Variants in LINC00237 observed in about 807,000 individuals in gnomAD.
LINC00237 encodes the protein long intergenic non-protein coding RNA 237.
In LINC00237 at chr20:21,095,758, C is replaced by A. The variant is rs543769305; in HGVS notation, n.89-1906G>T. ...ATAGCTCCTTACCTGTCTACATCAG[C>A]GTGTACCAGCTCAATGACCAACCAC... On this transcript the variant is annotated intron_variant and non_coding_transcript_variant, in intron 1 of 3. Transcript: ENST00000691244. Among the ~76,000 whole-genome samples, 7 of 152,280 alleles carry A rather than the reference C, an allele frequency of 4.6e-5. No homozygotes were observed. In the East Asian group the frequency reaches 1.3e-3, roughly 29 times the overall value.
chr20:21,103,426 G>T (rs1328978496), intron 1 of LINC00237, among the ~76,000 whole-genome samples: 4 of 152,206 alleles, frequency 2.6e-5, no homozygotes, highest in African/African-American at 9.7e-5. Flanking sequence ...CTCGGGGCTG[G>T]CTTTGTAGTT....
chr20:21,094,977 G>C lies in LINC00237; in HGVS notation n.89-1125C>G, dbSNP rs529810686. Among the ~76,000 whole-genome samples, 265 of 152,258 alleles carry C rather than the reference G, an allele frequency of 1.7e-3. 3 individuals are homozygous for C. Among genetic ancestry groups the C allele is most frequent in the African/African-American group, 6.2e-3 (257 of 41,550 alleles). ...GAGGCAGGAGCATCGCTTGAACCCAGGAGGTGAGGTTGCAGTGAGCAGAGA... is the reference window on the plus strand; with the variant it reads ...GAGGCAGGAGCATCGCTTGAACCCACGAGGTGAGGTTGCAGTGAGCAGAGA... On this transcript the variant is annotated intron_variant and non_coding_transcript_variant, in intron 1 of 3. Coordinates refer to ENST00000691244, the Ensembl canonical transcript of LINC00237.
At position 21,101,945 on chromosome 20, in the gene LINC00237, C is replaced by T. The variant is rs2030938158; in HGVS notation, n.88+4326G>A. On this transcript the variant is annotated intron_variant and non_coding_transcript_variant, in intron 1 of 3. Coordinates refer to ENST00000691244, the Ensembl canonical transcript of LINC00237. The surrounding 1 kb of genome is among the most constrained non-coding windows in gnomAD (Gnocchi z 4.3). ...GGGCAGGGGCGGCGATGGAGTAGCT[C>T]CGGGCTCTCCACGGACTCGATTGGA... Among the ~76,000 whole-genome samples the T allele has an allele frequency of 6.6e-6, 1 of 152,218 alleles. No individual in the cohort carries two copies. The highest frequency in any genetic ancestry group is 6.5e-5 in the Admixed American group (1 of 15,290).
At chr20:21,105,825 G>C (rs2030991710) in intron 1 of LINC00237, among the ~76,000 whole-genome samples, 1 of 152,140 alleles carries the variant, frequency 6.6e-6, no homozygotes, top group Non-Finnish European at 1.5e-5. Flanking sequence ...CTCTTCCCCC[G>C]GACCTGCCTG....
At chr20:21,087,543 G>A (rs2030730839) in intron 3 of LINC00237, 1 of 152,006 alleles carries the variant, frequency 6.6e-6, no homozygotes, top group Admixed American at 6.6e-5. Context: ...ACATCTCAAT[G>A]GTAGCTTATG....
chr20:21,103,279 G>T (rs950168535), intron 1 of LINC00237, among the ~76,000 whole-genome samples: 2 of 152,224 alleles, frequency 1.3e-5, no homozygotes, highest in Non-Finnish European at 2.9e-5. Context: ...GGGTGGCTGG[G>T]GCTGTGCATT....
intron 1 of LINC00237, among the ~76,000 whole-genome samples, chr20:21,104,561 C>G (rs1336602310): frequency 6.6e-6 from 1 of 152,264 alleles, no homozygotes; most frequent in African/African-American, 2.4e-5. Flanking sequence ...GCAACCAGGT[C>G]TGCAGCCGCT....
Position 21,099,775 on chromosome 20 carries a change from G to C in LINC00237, n.89-5923C>G, listed in dbSNP as rs6082324. Among the ~76,000 whole-genome samples the C allele has an allele frequency of 5.0e-3, 766 of 152,252 alleles. 6 individuals are homozygous for C. The highest frequency in any genetic ancestry group is 0.017 in the African/African-American group (691 of 41,530). On this transcript the variant is annotated intron_variant and non_coding_transcript_variant, in intron 1 of 3. Transcript: ENST00000691244. ...GACATTTGTCAGGGCGGGTGCTTGA[G>C]GCTCTCAGAGGACTCCGGGAGACAC... is the stretch of plus-strand genomic sequence containing the variant.
At chr20:21,089,312 C>A (rs2030759076) in intron 2 of LINC00237, among the ~76,000 whole-genome samples, 1 of 151,866 alleles carries the variant, frequency 6.6e-6, no homozygotes, top group East Asian at 1.9e-4. Flanking sequence ...TAACACCCTT[C>A]GGTTTCTCTC....
chr20:21,090,215 G>A (rs2030773546), intron 2 of LINC00237: 1 of 152,240 alleles, frequency 6.6e-6, no homozygotes, highest in Non-Finnish European at 1.5e-5. Flanking sequence ...AGATCTGGGT[G>A]TTGAAAGACA....
intron 2 of LINC00237, among the ~76,000 whole-genome samples, chr20:21,091,238 A>G (rs1600310733): frequency 6.6e-6 from 1 of 152,302 alleles, no homozygotes. Context: ...TGCAATCAGT[A>G]TGCACAACAG....
At chr20:21,100,722 T>C (rs2122181645) in intron 1 of LINC00237, among the ~76,000 whole-genome samples, 1 of 152,366 alleles carries the variant, frequency 6.6e-6, no homozygotes, top group Non-Finnish European at 1.5e-5. Context: ...ACACCCACTT[T>C]TTCCCCTGAA....
intron 1 of LINC00237, among the ~76,000 whole-genome samples, chr20:21,098,570 C>T (rs1366678242): frequency 6.6e-6 from 1 of 152,196 alleles, no homozygotes; most frequent in Non-Finnish European, 1.5e-5. Context: ...ATTTAAAGCT[C>T]AATGCTACCT....
At chr20:21,105,269 A>G (rs971359816) in intron 1 of LINC00237, among the ~76,000 whole-genome samples, 3 of 151,864 alleles carry the variant, frequency 2.0e-5, no homozygotes, top group Non-Finnish European at 4.4e-5. Context: ...CTGGGTCTGA[A>G]CAACCCCCCC....
At chr20:21,090,285 T>C (rs2122169131) in intron 2 of LINC00237, 1 of 152,354 alleles carries the variant, frequency 6.6e-6, no homozygotes, top group Non-Finnish European at 1.5e-5. Context: ...CCAGAACATT[T>C]AAATCTTAAT....
chr20:21,086,873 C>T lies in LINC00237; in HGVS notation n.560-985G>A, dbSNP rs191713906. 1.1e-3 allele frequency among the ~76,000 whole-genome samples: 136 copies of T among 127,846 alleles called. 1 individual carries two copies. Among genetic ancestry groups the T allele is most frequent in the South Asian group, 2.8e-3 (12 of 4,284 alleles). 83.9% of individuals were successfully genotyped at this position (127,846 alleles called of 152,430 possible). ...ATACACTATATATGTATATAGTATA[C>T]ACTATATAGTATATATGTACTATAT... On this transcript the variant is annotated intron_variant and non_coding_transcript_variant, in intron 3 of 3. Coordinates refer to ENST00000691244, the Ensembl canonical transcript of LINC00237.
At chr20:21,100,279 T>G (rs1382480641) in intron 1 of LINC00237, among the ~76,000 whole-genome samples, 1 of 152,214 alleles carries the variant, frequency 6.6e-6, no homozygotes, top group Non-Finnish European at 1.5e-5. Flanking sequence ...TTGGTTTGAC[T>G]GTACACCTGC....
chr20:21,100,453 C>G (rs566062511), intron 1 of LINC00237, among the ~76,000 whole-genome samples: 2 of 152,260 alleles, frequency 1.3e-5, no homozygotes, highest in Non-Finnish European at 2.9e-5. Context: ...AACTGCATCG[C>G]TAGGGGCCCG....
In LINC00237 at chr20:21,104,618, C is replaced by G. The variant is rs1203016940; in HGVS notation, n.88+1653G>C. ...GCTTCGGAGCACTTCTCCTCTGCCC[C>G]CCACCCTCCAACCCCTGACTTACTG... On this transcript the variant is annotated intron_variant and non_coding_transcript_variant, in intron 1 of 3. Transcript: ENST00000691244. Among the ~76,000 whole-genome samples the G allele has an allele frequency of 2.0e-5, 3 of 152,360 alleles. 1 individual carries two copies. Among genetic ancestry groups the G allele is most frequent in the Middle Eastern group, 6.8e-3 (2 of 294 alleles).
Sources: gnomAD v4.1 joint callset for allele counts (sites outside exome capture counted in the v4.1 genomes callset) on GRCh38, gnomAD v4.1.1 for gene constraint, Gnocchi (gnomAD v3.1) non-coding constraint, MANE v1.5 for transcripts, NCBI Gene and HGNC (gene_info 2026-07-23, HGNC 2026-07-21) for gene names.